The following LIMCH1 variants were observed in gnomAD, a reference collection of about 807,000 sequenced individuals.
The protein encoded by LIMCH1 is LIM and calponin homology domains 1.
LIMCH1 carries 113 observed loss-of-function variants against 176.5 expected under a neutral mutation model. The observed-to-expected ratio is 0.64, with a 90% CI of 0.55 to 0.75. The LOEUF (loss-of-function observed/expected upper bound fraction) is 0.75. Among genes scored for constraint, LIMCH1 ranks in the 30% least tolerant of loss-of-function variants. LIMCH1 has a pLI of 0.00. For synonymous variants in LIMCH1, 619 were observed against 645.9 expected, an observed-to-expected ratio of 0.96 and a Z score of 0.63; for missense variants, 1,674 against 1,814.9, an observed-to-expected ratio of 0.92 and a Z score of 1.41.
At chr4:41,513,563 A>G (rs1250059428) in intron 2 of LIMCH1, among the ~76,000 whole-genome samples, 1 of 152,134 alleles carries the variant, frequency 6.6e-6, no homozygotes, top group African/African-American at 2.4e-5. Flanking sequence ...GGGGGACTCC[A>G]CTCATTCCCA....
intron 1 of LIMCH1, among the ~76,000 whole-genome samples, chr4:41,380,736 T>C (rs368162637): frequency 6.6e-6 from 1 of 152,232 alleles, no homozygotes; most frequent in East Asian, 1.9e-4. Flanking sequence ...TTGGCAGATC[T>C]AAGATTTAAA....
intron 31 of LIMCH1, among the ~76,000 whole-genome samples, chr4:41,696,712 A>G (rs1730943223): frequency 6.6e-6 from 1 of 152,214 alleles, no homozygotes; most frequent in Admixed American, 6.5e-5. Context: ...TGAATCTAGC[A>G]ATCTAATTTC....
At chr4:41,395,748 T>C (rs963691203) in intron 1 of LIMCH1, among the ~76,000 whole-genome samples, 3 of 152,138 alleles carry the variant, frequency 2.0e-5, no homozygotes, top group Non-Finnish European at 2.9e-5. Flanking sequence ...CAAATACTTA[T>C]TGAGCATCTA....
chr4:41,630,714 TC>T (rs1450940163), intron 9 of LIMCH1, among the ~76,000 whole-genome samples: 2 of 152,222 alleles, frequency 1.3e-5, no homozygotes, highest in African/African-American at 4.8e-5. Context: ...CGTGCTTGAT[TC>T]CAGAATTCCC....
chr4:41,567,634 T>C (rs988885144), intron 1 of LIMCH1, among the ~76,000 whole-genome samples: 7 of 152,300 alleles, frequency 4.6e-5, no homozygotes, highest in Admixed American at 3.9e-4. Flanking sequence ...TACTGCATTT[T>C]ATAGATGAGG....
intron 3 of LIMCH1, 43 bp downstream of exon 3, chr4:41,603,948 G>T (rs1022348048): frequency 6.4e-7 from 1 of 1,552,630 alleles, no homozygotes; most frequent in Admixed American, 1.7e-5. Flanking sequence ...GATGGTTCAA[G>T]TGTAAAATTT....
At chr4:41,493,144 ATC>A (rs1359910227) in intron 1 of LIMCH1, among the ~76,000 whole-genome samples, 2 of 152,062 alleles carry the variant, frequency 1.3e-5, no homozygotes, top group African/African-American at 2.4e-5. Flanking sequence ...CATTCTGACA[ATC>A]TCTGTCTTTT....
chr4:41,488,811 T>G (rs193085276), intron 1 of LIMCH1, among the ~76,000 whole-genome samples: 1 of 152,308 alleles, frequency 6.6e-6, no homozygotes, highest in East Asian at 1.9e-4. Flanking sequence ...ATCTGTCTGG[T>G]TTCGATATCA....
intron 1 of LIMCH1, chr4:41,473,141 A>T (rs2067232528): frequency 2.0e-6 from 2 of 985,252 alleles, no homozygotes; most frequent in African/African-American, 3.5e-5. Flanking sequence ...GTAAATGTTG[A>T]TGTGAGTGTG....
chr4:41,542,959 T>A (rs1452721516), intron 1 of LIMCH1, among the ~76,000 whole-genome samples: 1 of 152,244 alleles, frequency 6.6e-6, no homozygotes, highest in Non-Finnish European at 1.5e-5. Flanking sequence ...TTATCTTATA[T>A]AATGGCCAAA....
In LIMCH1 at chr4:41,630,429, GTTTA is replaced by G. The variant is rs748554879; in HGVS notation, c.1271+703_1271+706del. On this transcript the variant is annotated intron_variant, in intron 9 of 31. Transcript: ENST00000503057. ...TTAACCCAGCCAACTTTCTAAGAAT[GTTTA>G]TTTATTTTGATAGACTTGTTTACTG... Among the ~76,000 whole-genome samples the G allele has an allele frequency of 7.9e-4, 121 of 152,252 alleles. 1 individual carries two copies. The highest frequency in any genetic ancestry group is 1.4e-3 in the Non-Finnish European group (95 of 68,010).
intron 2 of LIMCH1, among the ~76,000 whole-genome samples, chr4:41,511,170 C>A (rs1362425549): frequency 6.6e-6 from 1 of 152,180 alleles, no homozygotes; most frequent in Non-Finnish European, 1.5e-5. Flanking sequence ...TTCTATTCAA[C>A]TCATCAGCCC....
intron 1 of LIMCH1, among the ~76,000 whole-genome samples, chr4:41,491,763 T>C (rs1384054800): frequency 8.7e-6 from 1 of 115,404 alleles, no homozygotes; most frequent in East Asian, 2.9e-4. Flanking sequence ...TCACTTCCCA[T>C]TCGGGGCAGC....
At chr4:41,579,766 TA>T (rs2152672781) in intron 1 of LIMCH1, among the ~76,000 whole-genome samples, 1 of 152,272 alleles carries the variant, frequency 6.6e-6, no homozygotes, top group African/African-American at 2.4e-5. Context: ...GGATGCATGA[TA>T]GGGGATGATT....
chr4:41,398,213 T>A (rs149507591), intron 1 of LIMCH1, among the ~76,000 whole-genome samples: 2,756 of 151,002 alleles, frequency 0.018, 82 homozygotes, highest in East Asian at 0.12. Flanking sequence ...TATTTTATTT[T>A]TTATTATTAT....
intron 1 of LIMCH1, among the ~76,000 whole-genome samples, chr4:41,374,353 G>A (rs994218714): frequency 1.3e-5 from 2 of 152,132 alleles, no homozygotes; most frequent in African/African-American, 4.8e-5. Context: ...TGATTGTATA[G>A]AAAGAGTGCT....
At chr4:41,420,055 G>T (rs1210025093) in intron 1 of LIMCH1, among the ~76,000 whole-genome samples, 5 of 152,022 alleles carry the variant, frequency 3.3e-5, no homozygotes, top group Non-Finnish European at 7.4e-5. Context: ...TGGATGAGGG[G>T]GGCCTTCTAC....
At chr4:41,373,993 T>C (rs1019738312) in intron 1 of LIMCH1, among the ~76,000 whole-genome samples, 5 of 152,214 alleles carry the variant, frequency 3.3e-5, no homozygotes, top group African/African-American at 1.2e-4. Flanking sequence ...CCTTCTGCCA[T>C]GATTGTAAGT....
At chr4:41,360,633 G>T (rs907746711), upstream of LIMCH1, 8 of 289,300 alleles carry the variant, frequency 2.8e-5, no homozygotes, top group South Asian at 6.5e-4. This position sits in a 1 kb window ranked among gnomAD's most constrained non-coding sequence, Gnocchi z 4.5. Flanking sequence ...GGTCACTCAC[G>T]GCGCGTTGGA....
Sources: gnomAD v4.1 joint callset for allele counts (sites outside exome capture counted in the v4.1 genomes callset) on GRCh38, gnomAD v4.1.1 for gene constraint, Gnocchi (gnomAD v3.1) non-coding constraint, MANE v1.5 for transcripts, NCBI Gene and HGNC (gene_info 2026-07-23, HGNC 2026-07-21) for gene names.